CDH2: variants seen among roughly 807,000 people sequenced by gnomAD.
CDH2 encodes the protein cadherin-2.
A neutral mutation model predicts 92.0 loss-of-function variants in CDH2; 17 were observed. The observed-to-expected ratio is 0.18, with a 90% CI of 0.13 to 0.28. The LOEUF (loss-of-function observed/expected upper bound fraction) is 0.28. CDH2 is among the 10% of genes least tolerant of loss of function. The probability of loss-of-function intolerance (pLI) is 1.00; values close to 1 mark genes in which losing one functional copy is unlikely to be tolerated. For synonymous variants in CDH2, 419 were observed against 415.9 expected, an observed-to-expected ratio of 1.01 and a Z score of -0.09; for missense variants, 862 against 1,133.1, an observed-to-expected ratio of 0.76 and a Z score of 3.44.
intron 2 of CDH2, among the ~76,000 whole-genome samples, chr18:28,066,390 A>G (rs1002791392): frequency 3.9e-5 from 6 of 152,160 alleles, no homozygotes; most frequent in Non-Finnish European, 7.4e-5. Flanking sequence ...TAAGGTTGCC[A>G]CCTTTAGCAC....
intron 11 of CDH2, among the ~76,000 whole-genome samples, chr18:27,987,917 G>A (rs1299453570): frequency 6.6e-6 from 1 of 152,128 alleles, no homozygotes; most frequent in Non-Finnish European, 1.5e-5. Flanking sequence ...GAGAGCTAAC[G>A]AAGCAAAATA....
At chr18:27,993,265 T>C (rs1321781822) in intron 8 of CDH2, among the ~76,000 whole-genome samples, 1 of 152,234 alleles carries the variant, frequency 6.6e-6, no homozygotes, top group Non-Finnish European at 1.5e-5. Flanking sequence ...TTTTAGGACG[T>C]GTTTTCCAGG....
At chr18:27,978,315 A>G (rs1447053889) in intron 14 of CDH2, among the ~76,000 whole-genome samples, 1 of 152,238 alleles carries the variant, frequency 6.6e-6, no homozygotes, top group Non-Finnish European at 1.5e-5. Flanking sequence ...CTAGAAAGCT[A>G]CAGTAATCGA....
chr18:27,949,113 G>A (rs1411298047), downstream of CDH2, among the ~76,000 whole-genome samples: 1 of 151,834 alleles, frequency 6.6e-6, no homozygotes, highest in Non-Finnish European at 1.5e-5. Context: ...TAGTATTGTG[G>A]CCTGACTCAA....
intron 5 of CDH2, among the ~76,000 whole-genome samples, chr18:28,007,920 G>C (rs2012987240): frequency 6.6e-6 from 1 of 152,062 alleles, no homozygotes; most frequent in African/African-American, 2.4e-5. Context: ...TTTTAGTATA[G>C]ACAGGGTTTC....
chr18:28,023,935 T>C (rs1231115677), intron 2 of CDH2, among the ~76,000 whole-genome samples: 1 of 152,140 alleles, frequency 6.6e-6, no homozygotes, highest in African/African-American at 2.4e-5. Context: ...ATAGTGAACA[T>C]ATAGGCTGGT....
chr18:28,078,467 T>C (rs2014766733), intron 2 of CDH2, among the ~76,000 whole-genome samples: 1 of 152,012 alleles, frequency 6.6e-6, no homozygotes, highest in African/African-American at 2.4e-5. Context: ...GCAGAGACCA[T>C]AGTTGGTGAC....
At chr18:28,008,043 C>G (rs891833470) in intron 5 of CDH2, among the ~76,000 whole-genome samples, 1 of 152,120 alleles carries the variant, frequency 6.6e-6, no homozygotes, top group Non-Finnish European at 1.5e-5. Flanking sequence ...TGGTATTGCT[C>G]TTTTAATGTG....
chr18:28,142,910 T>C (rs533432719), intron 2 of CDH2, among the ~76,000 whole-genome samples: 5 of 152,030 alleles, frequency 3.3e-5, no homozygotes, highest in Admixed American at 3.3e-4. Context: ...AAAGTACTCA[T>C]ATTATTAAAA....
chr18:28,104,931 T>C (rs1410904531), intron 2 of CDH2, among the ~76,000 whole-genome samples: 2 of 152,064 alleles, frequency 1.3e-5, no homozygotes, highest in African/African-American at 2.4e-5. Flanking sequence ...GTAAAATATA[T>C]GTAAAAGTTC....
downstream of CDH2, among the ~76,000 whole-genome samples, chr18:27,946,632 AAT>A (rs1909274110): frequency 6.6e-6 from 1 of 152,042 alleles, no homozygotes; most frequent in South Asian, 2.1e-4. Flanking sequence ...GAAAAATGGC[AAT>A]CTTCCTAATT....
chr18:28,108,806 C>T (rs1018503973), intron 2 of CDH2, among the ~76,000 whole-genome samples: 23 of 151,620 alleles, frequency 1.5e-4, no homozygotes, highest in Non-Finnish European at 3.2e-4. Flanking sequence ...AAACAGCTTT[C>T]CCCAAATTTT....
chr18:27,951,984 G>A lies in CDH2; in HGVS notation c.*169C>T. The A allele has an allele frequency of 1.6e-6, 1 of 624,116 alleles. No individual in the cohort carries two copies. The highest frequency in any genetic ancestry group is 2.9e-6 in the Non-Finnish European group (1 of 349,838). The allele number at this position is 624,116 out of a possible 1,614,324, so 38.7% of individuals were successfully genotyped here. A position where few individuals can be genotyped will look rare whatever the true frequency, so the allele number is the denominator to read the frequency against. On this transcript the variant is annotated 3_prime_UTR_variant, in exon 16 of 16. Transcript: ENST00000269141. ...AGCTCAGTGTTTTTCCAAACAGTATGGATCACTGATATTCCCTCTGAGCCC... is the reference window on the plus strand; with the variant it reads ...AGCTCAGTGTTTTTCCAAACAGTATAGATCACTGATATTCCCTCTGAGCCC...
At chr18:28,072,701 T>G (rs920536423) in intron 2 of CDH2, among the ~76,000 whole-genome samples, 1 of 152,268 alleles carries the variant, frequency 6.6e-6, no homozygotes, top group East Asian at 1.9e-4. Flanking sequence ...CTGAGCTTTA[T>G]GATGTACTTC....
intron 2 of CDH2, among the ~76,000 whole-genome samples, chr18:28,015,703 T>C (rs1478342875): frequency 6.6e-6 from 1 of 152,176 alleles, no homozygotes; most frequent in African/African-American, 2.4e-5. Context: ...GTATTATTAA[T>C]TGTCATCCAT....
rs149844179 is a variant in CDH2, at chr18:28,102,080, T to G, written c.172+45593A>C. On this transcript the variant is annotated intron_variant, in intron 2 of 15. Coordinates refer to ENST00000269141, the MANE Select transcript of CDH2 (RefSeq NM_001792.5). ...ATGCCCAAGTCGTATCCACTCACCT[T>G]AATCATGGAGCAGAAACTTTGTCTC... Among the ~76,000 whole-genome samples the G allele has an allele frequency of 1.1e-3, 170 of 152,228 alleles. 1 individual carries two copies. Among genetic ancestry groups the G allele is most frequent in the Middle Eastern group, 3.4e-3 (1 of 294 alleles).
chr18:28,113,607 T>C (rs777151896), intron 2 of CDH2, among the ~76,000 whole-genome samples: 1 of 152,122 alleles, frequency 6.6e-6, no homozygotes. Flanking sequence ...TGGATTTAGA[T>C]AGCTTCATAG....
Position 27,985,595 on chromosome 18 carries a change from T to G in CDH2, c.1908A>C (p.Pro636=). The G allele has an allele frequency of 6.2e-7, 1 of 1,614,046 alleles. No homozygotes were observed. The highest frequency in any genetic ancestry group is 8.5e-7 in the Non-Finnish European group (1 of 1,179,964). The change falls in exon 12 of 16, where the codon CCA becomes CCC. Residue 636 remains proline (P), a synonymous_variant. Transcript: ENST00000269141. ...LDYDIDPNAG[P]FAFDLPLSPV... is the part of the protein sequence containing the mutation. Reference sequence around the variant, plus strand: ...GAGATAAAGGAAGATCAAAAGCAAATGGTCCAGCATTTGGATCAATGTCAT... The same window carrying G: ...GAGATAAAGGAAGATCAAAAGCAAAGGGTCCAGCATTTGGATCAATGTCAT...
chr18:28,111,229 A>G (rs1599108750), intron 2 of CDH2, among the ~76,000 whole-genome samples: 1 of 152,202 alleles, frequency 6.6e-6, no homozygotes, highest in African/African-American at 2.4e-5. Context: ...TCCGCAGCTT[A>G]GCCTCAGCCT....
Sources: gnomAD v4.1 joint callset for allele counts (sites outside exome capture counted in the v4.1 genomes callset) on GRCh38, gnomAD v4.1.1 for gene constraint, MANE v1.5 for transcripts, NCBI Gene and HGNC (gene_info 2026-07-23, HGNC 2026-07-21) for gene names.